LDAF1: variants seen among roughly 807,000 people sequenced by gnomAD.
LDAF1 encodes lipid droplet assembly factor 1.
LDAF1 carries 7 observed loss-of-function variants against 13.5 expected under a neutral mutation model. The observed-to-expected ratio is 0.52, with a 90% confidence interval of 0.29 to 0.97. The LOEUF is 0.97. Among genes scored for constraint, LDAF1 ranks in the 50% least tolerant of loss-of-function variants. The pLI, the probability that LDAF1 is intolerant of heterozygous loss-of-function variation, is 0.07. For synonymous variants in LDAF1, 69 were observed against 77.1 expected (o/e 0.89, Z 0.55); for missense variants, 148 against 193.2 (o/e 0.77, Z 1.39).
intron 4 of LDAF1, among the ~76,000 whole-genome samples, chr16:21,177,527 C>G (rs1195634161): frequency 6.6e-6 from 1 of 151,898 alleles, no homozygotes; most frequent in Non-Finnish European, 1.5e-5. Context: ...TTGCACTGTT[C>G]CCTTGTGAGA....
At chr16:21,167,080 A>G (rs1237369111) in intron 2 of LDAF1, among the ~76,000 whole-genome samples, 1 of 152,160 alleles carries the variant, frequency 6.6e-6, no homozygotes, top group Non-Finnish European at 1.5e-5. Flanking sequence ...AATCCTTAGG[A>G]GACCACGCTG....
At chr16:21,172,841 T>C in intron 3 of LDAF1, 16 of 985,412 alleles carry the variant, frequency 1.6e-5, no homozygotes, top group Non-Finnish European at 1.9e-5. Flanking sequence ...CCTGTTGATG[T>C]TCTCTTCCTT....
intron 3 of LDAF1, chr16:21,173,512 A>C (rs773092449): frequency 2.0e-5 from 3 of 152,458 alleles, no homozygotes; most frequent in African/African-American, 4.8e-5. Flanking sequence ...TCAGGAGTTC[A>C]AGACCAGCCT....
At chr16:21,168,088 C>A (rs1395103683) in intron 2 of LDAF1, among the ~76,000 whole-genome samples, 1 of 151,816 alleles carries the variant, frequency 6.6e-6, no homozygotes, top group Non-Finnish European at 1.5e-5. Context: ...CATCTTGGCT[C>A]ACTGCAACCT....
intron 4 of LDAF1, among the ~76,000 whole-genome samples, chr16:21,177,857 A>G (rs1436429686): frequency 6.6e-6 from 1 of 151,924 alleles, no homozygotes; most frequent in Non-Finnish European, 1.5e-5. Flanking sequence ...AGCTCAAGTG[A>G]TCCACCCACC....
intron 3 of LDAF1, chr16:21,172,918 GC>G: frequency 1.2e-6 from 1 of 800,238 alleles, no homozygotes; most frequent in South Asian, 5.6e-5. Flanking sequence ...GGGCTAACTG[GC>G]CACTCACAAA....
At chr16:21,159,569 G>A (rs2092943193) in intron 1 of LDAF1, 1 of 907,622 alleles carries the variant, frequency 1.1e-6, no homozygotes, top group Non-Finnish European at 1.7e-6. Flanking sequence ...GGGTTAGCTG[G>A]TGTTGGCCTG....
chr16:21,169,227 TA>T, intron 2 of LDAF1: 1 of 941,414 alleles, frequency 1.1e-6, no homozygotes, highest in African/African-American at 1.8e-5. Flanking sequence ...TCTCAAACTT[TA>T]ATGTGTATGC....
chr16:21,163,611 C>T (rs951758449), intron 2 of LDAF1, among the ~76,000 whole-genome samples: 2 of 152,206 alleles, frequency 1.3e-5, no homozygotes, highest in Non-Finnish European at 2.9e-5. Flanking sequence ...CACCACTGTA[C>T]TCCAGCCTGG....
At chr16:21,171,500 G>A (rs1221769390) in intron 3 of LDAF1, among the ~76,000 whole-genome samples, 1 of 152,190 alleles carries the variant, frequency 6.6e-6, no homozygotes, top group Admixed American at 6.5e-5. Context: ...TTGATAGATA[G>A]ATGGGTGAAT....
chr16:21,167,930 C>G (rs1357990885), intron 2 of LDAF1, among the ~76,000 whole-genome samples: 1 of 147,492 alleles, frequency 6.8e-6, no homozygotes, highest in African/African-American at 2.5e-5. Flanking sequence ...GGCTTGAACC[C>G]GGGAGGCGGA....
At chr16:21,178,402 C>G (rs2093157756) in intron 4 of LDAF1, 2 of 984,834 alleles carry the variant, frequency 2.0e-6, no homozygotes, top group Admixed American at 1.2e-4. Flanking sequence ...TTTTTGTTAT[C>G]AGGGAGGAAT....
Position 21,175,818 on chromosome 16 carries a change from A to G in LDAF1, c.404+1670A>G, listed in dbSNP as rs548228945. On this transcript the variant is annotated intron_variant, in intron 4 of 4. Coordinates refer to ENST00000233047, the MANE Select transcript of LDAF1 (RefSeq NM_001301771.2). ...GGGTATAATATAAAATTGCTCAAGG[A>G]TGGCTCTTATAGGATTGCTTAATTG... is the stretch of plus-strand genomic sequence containing the variant. 7.2e-5 allele frequency among the ~76,000 whole-genome samples: 11 copies of G among 152,352 alleles called. No individual in the cohort carries two copies. The South Asian group carries it at 2.3e-3, about 32-fold the overall frequency.
At chr16:21,162,153 C>G (rs1008347623) in intron 2 of LDAF1, among the ~76,000 whole-genome samples, 1 of 150,634 alleles carries the variant, frequency 6.6e-6, no homozygotes, top group African/African-American at 2.4e-5. Flanking sequence ...GAGATTCCGT[C>G]TCCAAAAAAA....
intron 1 of LDAF1, chr16:21,159,308 G>A: frequency 1.2e-6 from 2 of 1,603,516 alleles, no homozygotes; most frequent in Non-Finnish European, 1.7e-6. Context: ...CTTCTGGGAC[G>A]CGGACCCCCT....
At chr16:21,159,801 G>A in intron 1 of LDAF1, 1 of 523,546 alleles carries the variant, frequency 1.9e-6, no homozygotes, top group Non-Finnish European at 2.5e-6. Context: ...GGTCTGGGTG[G>A]CACTTGAGGC....
At chr16:21,159,352 T>G (rs771980815) in intron 1 of LDAF1, 3 of 1,614,130 alleles carry the variant, frequency 1.9e-6, no homozygotes, top group East Asian at 4.5e-5. Context: ...CCTCCTCTCC[T>G]TGGGTCTCCC....
At chr16:21,172,949 C>A in intron 3 of LDAF1, 2 of 445,664 alleles carry the variant, frequency 4.5e-6, no homozygotes, top group Non-Finnish European at 5.9e-6. Flanking sequence ...AGGATGTCAG[C>A]CATACAATAC....
At chr16:21,160,996 G>T in intron 1 of LDAF1, 89 bp from the exon 2 acceptor site, 4 of 1,346,602 alleles carry the variant, frequency 3.0e-6, no homozygotes, top group Non-Finnish European at 3.8e-6. Flanking sequence ...CCGTCTGCAT[G>T]CCCACCATCA....
Sources: allele counts gnomAD v4.1 joint callset (sites outside exome capture counted in the v4.1 genomes callset), GRCh38; gene constraint gnomAD v4.1.1; transcripts MANE v1.5; gene names NCBI Gene and HGNC (gene_info 2026-07-23, HGNC 2026-07-21).